Variants in CDC73 observed in about 807,000 individuals in gnomAD.
The protein encoded by CDC73 is parafibromin.
A neutral mutation model predicts 83.7 loss-of-function variants in CDC73; 21 were observed. The ratio of observed to expected loss-of-function variants is 0.25; its 90% CI spans 0.18 to 0.36. The LOEUF is 0.36. Among genes scored for constraint, CDC73 ranks in the 10% least tolerant of loss-of-function variants. The probability of loss-of-function intolerance (pLI) is 1.00; values close to 1 mark genes in which losing one functional copy is unlikely to be tolerated. For missense variants in CDC73, 342 were observed against 653.3 expected, an observed-to-expected ratio of 0.52 and a Z score of 5.19; for synonymous variants, 224 against 212.9, an observed-to-expected ratio of 1.05 and a Z score of -0.45.
intron 8 of CDC73, among the ~76,000 whole-genome samples, 174 bp downstream of exon 8, chr1:193,148,139 C>A (rs1352448685): frequency 1.3e-5 from 2 of 152,234 alleles, no homozygotes; most frequent in African/African-American, 4.8e-5. Flanking sequence ...TTACTTACTT[C>A]AGCAGTAATT....
chr1:193,197,873 T>C (rs1677028311), intron 10 of CDC73, among the ~76,000 whole-genome samples: 1 of 141,386 alleles, frequency 7.1e-6, no homozygotes, highest in African/African-American at 2.7e-5. Flanking sequence ...TGCAGTGAGC[T>C]GAGATTGCGC....
intron 13 of CDC73, among the ~76,000 whole-genome samples, chr1:193,228,134 TAC>T (rs1418653409): frequency 6.6e-6 from 1 of 152,208 alleles, no homozygotes; most frequent in Admixed American, 6.5e-5. Flanking sequence ...TTCCAATATA[TAC>T]AGTTATTTTT....
Position 193,236,239 on chromosome 1 carries a change from C to T in CDC73, c.1317-17C>T. 3 of 1,549,602 alleles carry T rather than the reference C, an allele frequency of 1.9e-6. No individual in the cohort carries two copies. The highest frequency in any genetic ancestry group is 2.7e-6 in the Non-Finnish European group (3 of 1,121,132). The stretch of plus-strand genomic sequence containing the variant: ...CGTCTGTCCCCTACCTCCCCCCACC[C>T]ACTTTTCTACTTGTAGGGACCGCGT... On this transcript the variant is annotated splice_polypyrimidine_tract_variant and intron_variant, in intron 14 of 16. Transcript: ENST00000367435.
chr1:193,235,480 A>G (rs1473597200), intron 14 of CDC73, among the ~76,000 whole-genome samples: 1 of 152,154 alleles, frequency 6.6e-6, no homozygotes, highest in African/African-American at 2.4e-5. Flanking sequence ...ATTATTGCTG[A>G]TAATGTTGTT....
At chr1:193,160,590 A>G (rs1182620770) in intron 10 of CDC73, among the ~76,000 whole-genome samples, 3 of 151,982 alleles carry the variant, frequency 2.0e-5, no homozygotes, top group African/African-American at 7.2e-5. Context: ...GCATCAGTGT[A>G]ACTTTAATTC....
intron 1 of CDC73, among the ~76,000 whole-genome samples, chr1:193,124,046 A>C (rs1675518629): frequency 6.6e-6 from 1 of 152,240 alleles, no homozygotes; most frequent in African/African-American, 2.4e-5. Flanking sequence ...AGATGAGTGA[A>C]CTGTATACTT....
At chr1:193,136,055 T>C (rs1675793111) in intron 5 of CDC73, among the ~76,000 whole-genome samples, 1 of 151,996 alleles carries the variant, frequency 6.6e-6, no homozygotes, top group Admixed American at 6.6e-5. Flanking sequence ...TTTTTTTTAA[T>C]AGAGACAGGG....
intron 8 of CDC73, among the ~76,000 whole-genome samples, chr1:193,149,339 T>A (rs1231643648): frequency 6.6e-6 from 1 of 151,688 alleles, no homozygotes; most frequent in Non-Finnish European, 1.5e-5. Context: ...AACGACCATG[T>A]AACCTAGATC....
At position 193,135,765 on chromosome 1, in the gene CDC73, C is replaced by CA. The variant is rs565880023; in HGVS notation, c.423+177dup. 1.4e-3 allele frequency among the ~76,000 whole-genome samples: 218 copies of CA among 152,134 alleles called. 1 individual carries two copies. The highest frequency in any genetic ancestry group is 5.1e-3 in the African/African-American group (212 of 41,512). The stretch of plus-strand genomic sequence containing the variant: ...TCAAGCTATAGTTTTAGCTCTCTCA[C>CA]ATGCAAGCTATGTGAGGGACAAATC... On this transcript the variant is annotated intron_variant, in intron 5 of 16. Coordinates refer to ENST00000367435, the MANE Select transcript of CDC73 (RefSeq NM_024529.5).
In CDC73 at chr1:193,253,531, T is replaced by C. The variant is rs1019636013; in HGVS notation, c.*2819T>C. On this transcript the variant is annotated 3_prime_UTR_variant, in exon 17 of 17. Transcript: ENST00000367435. ...ATTATTTATTTAATATAGGAGTATTTTACTGTTTAATATTTAAACAATGTT... is the reference window on the plus strand; with the variant it reads ...ATTATTTATTTAATATAGGAGTATTCTACTGTTTAATATTTAAACAATGTT... 7 of 232,140 alleles carry C rather than the reference T, an allele frequency of 3.0e-5. No individual in the cohort carries two copies. The highest frequency in any genetic ancestry group is 6.0e-5 in the Non-Finnish European group (7 of 117,474). The allele number at this position is 232,140 out of a possible 1,614,324, so 14.4% of individuals were successfully genotyped here. A position where few individuals can be genotyped will look rare whatever the true frequency, so the allele number is the denominator to read the frequency against.
chr1:193,143,191 T>G (rs1675936143), intron 7 of CDC73, among the ~76,000 whole-genome samples: 1 of 152,208 alleles, frequency 6.6e-6, no homozygotes, highest in East Asian at 1.9e-4. Flanking sequence ...ACAAAGTACC[T>G]AAGGTTGAGA....
intron 3 of CDC73, among the ~76,000 whole-genome samples, chr1:193,131,881 C>T (rs1316929903): frequency 6.6e-6 from 1 of 152,112 alleles, no homozygotes; most frequent in African/African-American, 2.4e-5. Flanking sequence ...TTATATAGTG[C>T]CATCCTGATT....
chr1:193,129,487 A>AATAAATTTATTT (rs1675651643), intron 2 of CDC73, among the ~76,000 whole-genome samples: 1 of 142,790 alleles, frequency 7.0e-6, no homozygotes. Context: ...TTCAAAAAGA[A>AATAAATTTATTT]ATTTATTTAT....
intron 10 of CDC73, among the ~76,000 whole-genome samples, chr1:193,173,962 G>A (rs1390090495): frequency 6.6e-6 from 1 of 152,026 alleles, no homozygotes; most frequent in Non-Finnish European, 1.5e-5. Context: ...TGGTGACAAA[G>A]TTGTAACCAT....
At chr1:193,176,210 T>C (rs983693383) in intron 10 of CDC73, among the ~76,000 whole-genome samples, 2 of 152,212 alleles carry the variant, frequency 1.3e-5, no homozygotes, top group African/African-American at 4.8e-5. Context: ...GGGGCTGTGT[T>C]GGCCCTCCCT....
intron 10 of CDC73, among the ~76,000 whole-genome samples, chr1:193,167,843 C>T (rs558217879): frequency 2.0e-5 from 3 of 152,028 alleles, no homozygotes; most frequent in African/African-American, 7.2e-5. Context: ...CATTAAAGAG[C>T]ATACTACTTT....
chr1:193,154,889 C>T lies in CDC73; in HGVS notation c.972+2445C>T, dbSNP rs555088833. 1.6e-3 allele frequency among the ~76,000 whole-genome samples: 249 copies of T among 152,158 alleles called. 1 individual carries two copies. The highest frequency in any genetic ancestry group is 2.8e-3 in the Non-Finnish European group (193 of 68,006). On this transcript the variant is annotated intron_variant, in intron 10 of 16. Coordinates refer to ENST00000367435, the MANE Select transcript of CDC73 (RefSeq NM_024529.5). ...AAGAAAGTTTCTCCTTTATAATATC[C>T]ACCCAGACATACAGTGATGTTAAAT...
chr1:193,122,406 C>T (rs1675469096), intron 1 of CDC73, 75 bp downstream of exon 1: 3 of 1,593,000 alleles, frequency 1.9e-6, no homozygotes, highest in Admixed American at 1.7e-5. Flanking sequence ...TTTCTTAACC[C>T]CTCCCCCCGT....
chr1:193,125,388 G>A (rs1675547485), intron 2 of CDC73, among the ~76,000 whole-genome samples, 171 bp downstream of exon 2: 1 of 151,932 alleles, frequency 6.6e-6, no homozygotes, highest in South Asian at 2.1e-4. Flanking sequence ...CCTTCAAGTA[G>A]CCAGGACTGC....
Sources: gnomAD v4.1 joint callset for allele counts (sites outside exome capture counted in the v4.1 genomes callset) on GRCh38, gnomAD v4.1.1 for gene constraint, MANE v1.5 for transcripts, NCBI Gene and HGNC (gene_info 2026-07-23, HGNC 2026-07-21) for gene names.